NREP: variants seen among roughly 807,000 people sequenced by gnomAD.
NREP encodes neuronal regeneration related protein, also known as neuronal regeneration-related protein.
A neutral mutation model predicts 8.6 loss-of-function variants in NREP; 5 were observed. That is an observed-to-expected ratio of 0.58 (90% CI 0.30 to 1.22). The LOEUF (loss-of-function observed/expected upper bound fraction) is 1.22. NREP is among the 50% of genes most tolerant of loss of function. NREP has a pLI of 0.07. For missense variants in NREP, 86 were observed against 82.5 expected, an observed-to-expected ratio of 1.04 and a Z score of -0.17; for synonymous variants, 27 against 28.0, an observed-to-expected ratio of 0.96 and a Z score of 0.11.
intron 2 of NREP, among the ~76,000 whole-genome samples, chr5:111,899,008 A>G (rs1262493387): frequency 1.3e-5 from 2 of 152,216 alleles, no homozygotes; most frequent in Non-Finnish European, 2.9e-5. Context: ...TTATTCAAAA[A>G]TGAAGGAAAA....
At chr5:111,749,416 TAA>T (rs965001103) in intron 2 of NREP, among the ~76,000 whole-genome samples, 4 of 151,206 alleles carry the variant, frequency 2.6e-5, no homozygotes, top group Non-Finnish European at 4.4e-5. Context: ...GTGCTATTTA[TAA>T]GAGATTGCAG....
chr5:111,757,850 C>A, upstream of NREP: 2 of 971,638 alleles, frequency 2.1e-6, no homozygotes, highest in Non-Finnish European at 2.4e-6. Context: ...GGTTTGGGGG[C>A]GCGCCAAGCG....
intron 2 of NREP, among the ~76,000 whole-genome samples, chr5:111,857,485 AC>A (rs1266628713): frequency 2.6e-5 from 4 of 152,122 alleles, no homozygotes. Context: ...TTCCATAAAT[AC>A]TCCTGAAATC....
chr5:111,919,665 TG>T (rs1260327611), intron 2 of NREP, among the ~76,000 whole-genome samples: 4 of 152,026 alleles, frequency 2.6e-5, no homozygotes, highest in African/African-American at 9.7e-5. Context: ...AAGGGGGAGC[TG>T]AACAATGAGA....
At chr5:111,742,743 C>T (rs1024603731) in intron 2 of NREP, among the ~76,000 whole-genome samples, 7 of 152,050 alleles carry the variant, frequency 4.6e-5, no homozygotes, top group Non-Finnish European at 7.4e-5. Flanking sequence ...ATAGTGAACA[C>T]GGAGGTCAGC....
intron 2 of NREP, among the ~76,000 whole-genome samples, chr5:111,950,142 G>A (rs1756113462): frequency 6.6e-6 from 1 of 151,876 alleles, no homozygotes; most frequent in Admixed American, 6.6e-5. Context: ...GTGAGATGGT[G>A]GGTGTCTCAC....
intron 2 of NREP, among the ~76,000 whole-genome samples, chr5:111,755,102 A>C (rs1750616848): frequency 6.6e-6 from 1 of 152,146 alleles, no homozygotes; most frequent in Non-Finnish European, 1.5e-5. Flanking sequence ...TTTAATGTGT[A>C]TTCCTTCTGT....
chr5:111,770,177 A>G (rs1430236473), intron 2 of NREP, among the ~76,000 whole-genome samples: 2 of 152,222 alleles, frequency 1.3e-5, no homozygotes, highest in Non-Finnish European at 2.9e-5. Flanking sequence ...ATATTTTTCA[A>G]TTTTTATAAC....
At chr5:111,866,456 C>G (rs1753666219) in intron 2 of NREP, among the ~76,000 whole-genome samples, 1 of 152,190 alleles carries the variant, frequency 6.6e-6, no homozygotes. Context: ...GATACCATCT[C>G]ACACCAGTTA....
At chr5:111,922,149 A>G (rs1755257818) in intron 2 of NREP, among the ~76,000 whole-genome samples, 1 of 152,168 alleles carries the variant, frequency 6.6e-6, no homozygotes, top group Non-Finnish European at 1.5e-5. Flanking sequence ...CCATAGTAGG[A>G]CCATGGGAAG....
rs187223483 is a variant in NREP, at chr5:111,797,805, T to C, written c.136-62298A>G. Among the ~76,000 whole-genome samples, 45 of 152,178 alleles carry C rather than the reference T, an allele frequency of 3.0e-4. No individual in the cohort carries two copies. In the East Asian group the frequency reaches 8.3e-3, roughly 28 times the overall value. ...TTTTCAGTCTCCTTAGAAAAATCGG[T>C]TTTCTCAGAAAAGGGGAAGTAATAG... On this transcript the variant is annotated intron_variant, in intron 2 of 3. Coordinates refer to the NREP transcript ENST00000395634.
At chr5:111,782,014 G>T (rs1195890262) in intron 2 of NREP, among the ~76,000 whole-genome samples, 1 of 152,102 alleles carries the variant, frequency 6.6e-6, no homozygotes, top group Non-Finnish European at 1.5e-5. Context: ...ATAATGATAA[G>T]GATTTACAGA....
At chr5:111,934,609 C>T (rs1755630709) in intron 2 of NREP, among the ~76,000 whole-genome samples, 1 of 152,028 alleles carries the variant, frequency 6.6e-6, no homozygotes, top group African/African-American at 2.4e-5. Context: ...ACATGAGCTG[C>T]TCAGAGAATT....
chr5:111,840,882 A>C (rs1156762918), intron 2 of NREP, among the ~76,000 whole-genome samples: 3 of 152,124 alleles, frequency 2.0e-5, no homozygotes, highest in Non-Finnish European at 4.4e-5. Context: ...ATATTTGCGC[A>C]AGGGTGTGAA....
intron 2 of NREP, among the ~76,000 whole-genome samples, chr5:111,928,119 C>T (rs1755439790): frequency 6.6e-6 from 1 of 152,142 alleles, no homozygotes; most frequent in South Asian, 2.1e-4. Context: ...CCCCGCCACC[C>T]TGAGATCATA....
intron 2 of NREP, among the ~76,000 whole-genome samples, chr5:111,862,250 T>A (rs1176770961): frequency 6.6e-6 from 1 of 152,182 alleles, no homozygotes; most frequent in African/African-American, 2.4e-5. Context: ...ATCATGTACA[T>A]ACATTTCTCC....
intron 3 of NREP, chr5:111,731,836 A>C (rs534413306): frequency 6.6e-6 from 1 of 152,382 alleles, no homozygotes; most frequent in Admixed American, 6.5e-5. Flanking sequence ...TCCCGGACAC[A>C]CTGCTGCAGC....
chr5:111,848,252 A>G (rs1388816507), intron 2 of NREP, among the ~76,000 whole-genome samples: 1 of 152,168 alleles, frequency 6.6e-6, no homozygotes, highest in Non-Finnish European at 1.5e-5. Context: ...CACATCAACT[A>G]TTTTTAGACA....
At chr5:111,851,310 G>A (rs1034077508) in intron 2 of NREP, among the ~76,000 whole-genome samples, 7 of 152,152 alleles carry the variant, frequency 4.6e-5, no homozygotes, top group Non-Finnish European at 7.3e-5. Context: ...TTTTTATGAC[G>A]TAGTCAAGCT....
Sources: gnomAD v4.1 joint callset for allele counts (sites outside exome capture counted in the v4.1 genomes callset) on GRCh38, gnomAD v4.1.1 for gene constraint, MANE v1.5 for transcripts, NCBI Gene and HGNC (gene_info 2026-07-23, HGNC 2026-07-21) for gene names.